Variants in AKR7A3 observed in about 807,000 individuals in gnomAD.
The protein encoded by AKR7A3 is aldo-keto reductase family 7 member A3, also known as AFB1 aldehyde reductase 2.
A neutral mutation model predicts 32.5 loss-of-function variants in AKR7A3; 37 were observed. That is an observed-to-expected ratio of 1.14 (90% CI 0.88 to 1.50). AKR7A3 has a LOEUF of 1.50. AKR7A3 is among the 40% of genes most tolerant of loss of function. AKR7A3 has a pLI of 0.00. For missense variants in AKR7A3, 412 were observed against 453.2 expected (o/e 0.91, Z 0.83); for synonymous variants, 177 against 188.4 (o/e 0.94, Z 0.50).
chr1:19,285,794 A>G, intron 3 of AKR7A3, 94 bp downstream of exon 3: 1 of 1,495,048 alleles, frequency 6.7e-7, no homozygotes, highest in Non-Finnish European at 9.3e-7. Flanking sequence ...AGTGGCTGCT[A>G]TGCAGAGGGC....
Position 19,286,335 on chromosome 1 carries a change from G to A in AKR7A3, c.252C>T (p.Asn84=), listed in dbSNP as rs1403533508. 1.2e-6 allele frequency: 2 copies of A among 1,613,884 alleles called. No homozygotes were observed. The highest frequency in any genetic ancestry group is 1.7e-6 in the Non-Finnish European group (2 of 1,180,044). ...ACCGGAGACTGTCAGGCTTCAGGGA[G>A]TTCCCAAACAGTGGAATGGCCTTGG... ...IDTKAIPLFG[N]SLKPDSLRFQ... is the part of the protein sequence containing the mutation. Residue 84 remains asparagine (N), a synonymous_variant, in exon 2 of 7, where the codon AAC becomes AAT. Coordinates refer to ENST00000361640, the MANE Select transcript of AKR7A3 (RefSeq NM_012067.3).
rs762510449 is a variant in AKR7A3 at position 19,284,021 on chromosome 1, C to T, written c.809G>A (p.Trp270Ter). Residue 270 changes from tryptophan (W) to a stop codon, truncating the protein, a stop_gained, in exon 6 of 7, where the codon TGG (tryptophan) becomes TAG (stop). Transcript: ENST00000361640. LOFTEE classifies it high-confidence loss of function. ...APSMTSATLRWMYHHSQLQGA... is the reference protein window; with the variant it reads ...APSMTSATLR ...CTGCAGCTGTGAGTGGTGGTACATC[C>T]ACCGGAGGGTGGCCGAGGTCATGCT... 1.2e-6 allele frequency: 2 copies of T among 1,613,372 alleles called. No homozygotes were observed. The highest frequency in any genetic ancestry group is 1.7e-5 in the Admixed American group (1 of 60,004).
chr1:19,283,362 A>G (rs2795373), intron 6 of AKR7A3, among the ~76,000 whole-genome samples: 5 of 152,028 alleles, frequency 3.3e-5, no homozygotes, highest in Admixed American at 2.0e-4. Flanking sequence ...AAAGGATGAG[A>G]CTAGTGGGCT....
intron 5 of AKR7A3, 55 bp from the exon 6 acceptor site, chr1:19,284,180 A>C (rs1408830250): frequency 5.7e-6 from 9 of 1,566,958 alleles, no homozygotes; most frequent in Admixed American, 1.8e-5. Flanking sequence ...AGCCACAACC[A>C]AAGAGCCAAC....
chr1:19,285,023 A>C lies in AKR7A3; in HGVS notation c.599T>G (p.Leu200Arg). 1.1e-5 allele frequency: 17 copies of C among 1,612,656 alleles called. No homozygotes were observed. Among genetic ancestry groups the C allele is most frequent in the Non-Finnish European group, 1.4e-5 (16 of 1,179,858 alleles). The change falls in exon 4 of 7, where the codon CTG becomes CGG. Residue 200 changes from leucine (L) to arginine (R), a missense_variant. By Grantham distance (102) the Leu-to-Arg change is moderately radical. Transcript: ENST00000361640. ...FGLRFYAFNPLAGGLLTGKYK... is the reference protein window; with the variant it reads ...FGLRFYAFNPRAGGLLTGKYK... Reference sequence around the variant, plus strand: ...GCCAGGAATGCTCCACGTACCAGCCAGAGGGTTGAAGGCATAGAACCTCAG... The same window carrying C: ...GCCAGGAATGCTCCACGTACCAGCCCGAGGGTTGAAGGCATAGAACCTCAG...
the AKR7A3 span, among the ~76,000 whole-genome samples, chr1:19,274,899 C>CAAAAAACAAAAAAAAAAAAAAA: frequency 2.3e-5 from 1 of 44,314 alleles, no homozygotes; most frequent in Non-Finnish European, 4.0e-5. Flanking sequence ...TCTCTAAATA[C>CAAAAAACAAAAAAAAAAAAAAA]AAAAAAAAAA....
chr1:19,287,570 G>T (rs2013249), intron 1 of AKR7A3, among the ~76,000 whole-genome samples: 1 of 151,632 alleles, frequency 6.6e-6, no homozygotes, highest in Admixed American at 6.5e-5. Flanking sequence ...CACTGCAAAT[G>T]GCATCAGACT....
At position 19,284,733 on chromosome 1, in the gene AKR7A3, G is replaced by A. The variant is rs1065658; in HGVS notation, c.657C>T (p.Pro219=). 276,902 of 1,613,032 alleles carry A rather than the reference G, an allele frequency of 0.17. 26,009 individuals carry two copies. Among genetic ancestry groups the A allele is most frequent in the Middle Eastern group, 0.29 (1,735 of 6,062 alleles). ...YKYEDKNGKQ[P]VGRFFGNTWA... ...AGGTATTCCCAAAGAAGCGGCCCAC[G>A]GGCTGTTTCCCATTCTTGTCCTCAT... The change falls in exon 5 of 7, where the codon CCC becomes CCT. Residue 219 remains proline, a synonymous_variant. Transcript: ENST00000361640.
rs369200663 is a variant in AKR7A3, at chr1:19,282,883, C to G, written c.844G>C (p.Gly282Arg). 9.7e-5 allele frequency: 156 copies of G among 1,611,864 alleles called. No individual in the cohort carries two copies. Among genetic ancestry groups the G allele is most frequent in the Non-Finnish European group, 1.3e-4 (152 of 1,179,240 alleles). ...GACATGCCCAGGATGACCGCGTCCC[C>G]GTGGGCACCCTGCAAGGGAGACGGC... ...YHHSQLQGAH[G>R]DAVILGMSSL... The change falls in exon 7 of 7, where the codon GGG becomes CGG. Residue 282 changes from glycine to arginine, a missense_variant. Transcript: ENST00000361640.
chr1:19,275,957 T>A, the AKR7A3 span, among the ~76,000 whole-genome samples: 1 of 151,904 alleles, frequency 6.6e-6, no homozygotes, highest in African/African-American at 2.4e-5. Flanking sequence ...ATAATAGAAC[T>A]TAAGAAGAAA....
chr1:19,284,715 C>T lies in AKR7A3; in HGVS notation c.675G>A (p.Gly225=). ...TCCTGTACATCTCTGCCCAGGTATT[C>T]CCAAAGAAGCGGCCCACGGGCTGTT... is the stretch of plus-strand genomic sequence containing the variant. ...NGKQPVGRFF[G]NTWAEMYRNR... Residue 225 remains glycine (G), a synonymous_variant, in exon 5 of 7, where the codon GGG becomes GGA. Coordinates refer to ENST00000361640, the MANE Select transcript of AKR7A3 (RefSeq NM_012067.3). 1.2e-6 allele frequency: 2 copies of T among 1,613,856 alleles called. No individual in the cohort carries two copies. Among genetic ancestry groups the T allele is most frequent in the Non-Finnish European group, 1.7e-6 (2 of 1,179,994 alleles).
intron 6 of AKR7A3, among the ~76,000 whole-genome samples, chr1:19,283,653 A>C (rs919538086): frequency 9.2e-5 from 14 of 151,906 alleles, no homozygotes; most frequent in Non-Finnish European, 1.8e-4. Context: ...AACATGGTGA[A>C]ACCCTGTCTC....
chr1:19,277,534 T>G, the AKR7A3 span, among the ~76,000 whole-genome samples: 1 of 151,878 alleles, frequency 6.6e-6, no homozygotes, highest in Admixed American at 6.6e-5. Context: ...TTTACTTTTT[T>G]TTTTTGAGAC....
At chr1:19,274,906 A>AAAAAAAAAAAAAAAAAAAAAAAAAAAAC in the AKR7A3 span, among the ~76,000 whole-genome samples, 3 of 147,568 alleles carry the variant, frequency 2.0e-5, no homozygotes, top group Non-Finnish European at 3.0e-5. Context: ...ATACAAAAAA[A>AAAAAAAAAAAAAAAAAAAAAAAAAAAAC]AAAAAAAAAG....
downstream of AKR7A3, among the ~76,000 whole-genome samples, chr1:19,279,923 T>G (rs1189072868): frequency 6.7e-6 from 1 of 148,668 alleles, no homozygotes; most frequent in African/African-American, 2.6e-5. Flanking sequence ...GAGATTTTCT[T>G]GTGATTTTTT....
downstream of AKR7A3, among the ~76,000 whole-genome samples, chr1:19,277,751 C>A (rs1414818751): frequency 1.3e-5 from 2 of 151,802 alleles, no homozygotes; most frequent in Non-Finnish European, 2.9e-5. Context: ...GAACTCCTGG[C>A]CTCAAGGGAT....
intron 6 of AKR7A3, 110 bp downstream of exon 6, chr1:19,283,882 TGAAA>T (rs1245795234): frequency 1.3e-6 from 2 of 1,529,040 alleles, no homozygotes; most frequent in Admixed American, 2.0e-5. Flanking sequence ...TTGTGAGAGT[TGAAA>T]GAAAGAGAAA....
the AKR7A3 span, among the ~76,000 whole-genome samples, chr1:19,275,839 CCAAAGA>C: frequency 6.6e-6 from 1 of 151,494 alleles, no homozygotes; most frequent in African/African-American, 2.4e-5. Context: ...AGAAAAACTA[CCAAAGA>C]CAAAGAGGGA....
chr1:19,284,082 T>C lies in AKR7A3; in HGVS notation c.748A>G (p.Lys250Glu). The stretch of plus-strand genomic sequence containing the variant: ...GCGCCATACGCGGCCTGCAGGGCCT[T>C]CTCCACCAGGGCAATGCCCTCAAAG... ...HHFEGIALVEKALQAAYGASA... is the reference protein window; with the variant it reads ...HHFEGIALVEEALQAAYGASA... The change falls in exon 6 of 7, where the codon AAG becomes GAG. Residue 250 changes from lysine to glutamate, a missense_variant. Physicochemically the swap from Lys to Glu is moderately conservative, Grantham distance 56. Coordinates refer to ENST00000361640, the MANE Select transcript of AKR7A3 (RefSeq NM_012067.3). The C allele has an allele frequency of 6.2e-7, 1 of 1,613,646 alleles. No homozygotes were observed. Among genetic ancestry groups the C allele is most frequent in the Non-Finnish European group, 8.5e-7 (1 of 1,179,828 alleles).
Sources: allele counts gnomAD v4.1 joint callset (sites outside exome capture counted in the v4.1 genomes callset), GRCh38; gene constraint gnomAD v4.1.1; transcripts MANE v1.5; gene names NCBI Gene and HGNC (gene_info 2026-07-23, HGNC 2026-07-21).